ESR1: variants seen among roughly 807,000 people sequenced by gnomAD.
ESR1 encodes the protein estrogen receptor.
ESR1 carries 12 observed loss-of-function variants against 52.7 expected under a neutral mutation model. The ratio of observed to expected loss-of-function variants is 0.23; its 90% confidence interval spans 0.15 to 0.37. The LOEUF (loss-of-function observed/expected upper bound fraction) is 0.37. ESR1 is among the 10% of genes least tolerant of loss of function. The pLI is 1.00. For synonymous variants in ESR1, 305 were observed against 316.8 expected (o/e 0.96, Z 0.39); for missense variants, 584 against 779.7 (o/e 0.75, Z 2.99).
rs367750782 is a variant in ESR1, at chr6:152,018,006, C to T, written c.1235+6212C>T. Among the ~76,000 whole-genome samples, 22 of 152,192 alleles carry T rather than the reference C, an allele frequency of 1.4e-4. No individual in the cohort carries two copies. In the South Asian group the frequency reaches 4.6e-3, roughly 32 times the overall value. ...AAGCAGAATATTCCCTCTACTAAGC[C>T]TTTGGCCAGAGAGTTGTTGCTCTAG... On this transcript the variant is annotated intron_variant, in intron 5 of 7. Transcript: ENST00000206249.
At chr6:151,775,703 G>T (rs950483528) in intron 2 of ESR1, among the ~76,000 whole-genome samples, 1 of 148,438 alleles carries the variant, frequency 6.7e-6, no homozygotes, top group African/African-American at 2.5e-5. Flanking sequence ...CCGAGATCGC[G>T]CCACTGCACT....
chr6:151,850,046 T>A (rs1490579472), intron 2 of ESR1, among the ~76,000 whole-genome samples: 4 of 57,458 alleles, frequency 7.0e-5, no homozygotes, highest in Admixed American at 3.7e-4. Flanking sequence ...ATATATAATT[T>A]TATATATATA....
At chr6:152,008,361 A>G (rs545067717) in intron 4 of ESR1, among the ~76,000 whole-genome samples, 26 of 152,204 alleles carry the variant, frequency 1.7e-4, no homozygotes, top group African/African-American at 6.0e-4. Flanking sequence ...GAGGTCTACA[A>G]CATTTCAACG....
At chr6:151,885,658 A>T (rs867488918) in intron 3 of ESR1, among the ~76,000 whole-genome samples, 11 of 152,334 alleles carry the variant, frequency 7.2e-5, no homozygotes, top group Middle Eastern at 3.4e-3. Context: ...TGAGGTCAGG[A>T]GTTCAAGACC....
At chr6:151,946,604 C>T (rs1239003396) in intron 4 of ESR1, among the ~76,000 whole-genome samples, 1 of 152,046 alleles carries the variant, frequency 6.6e-6, no homozygotes, top group African/African-American at 2.4e-5. Flanking sequence ...GTTTAAAAGA[C>T]CTGAATGATT....
chr6:152,103,700 TGAATGAGTGAATGGAA>T, downstream of ESR1, among the ~76,000 whole-genome samples: 1 of 152,320 alleles, frequency 6.6e-6, no homozygotes, highest in African/African-American at 2.4e-5. Flanking sequence ...TATTTATGAA[TGAATGAGTGAATGGAA>T]GAATGAGTGA....
At chr6:152,080,307 A>T (rs1002497705) in intron 6 of ESR1, among the ~76,000 whole-genome samples, 5 of 151,722 alleles carry the variant, frequency 3.3e-5, no homozygotes, top group Non-Finnish European at 7.4e-5. Context: ...CAGAAACCCT[A>T]CAAGCCAGAA....
intron 5 of ESR1, among the ~76,000 whole-genome samples, chr6:152,039,153 T>C (rs2045577971): frequency 6.6e-6 from 1 of 152,184 alleles, no homozygotes; most frequent in African/African-American, 2.4e-5. Context: ...CTGTTTTCCC[T>C]TTGCCTCTAG....
chr6:152,128,228 C>G (rs1390064383), exon 7 of ESR1: 1 of 152,186 alleles, frequency 6.6e-6, no homozygotes, highest in African/African-American at 2.4e-5. Flanking sequence ...GCTTTGAAAG[C>G]ATGCTTCTAA....
At chr6:152,078,353 C>A (rs952093841) in intron 6 of ESR1, among the ~76,000 whole-genome samples, 7 of 152,178 alleles carry the variant, frequency 4.6e-5, no homozygotes, top group Admixed American at 3.9e-4. Flanking sequence ...TTACTTTGAC[C>A]AAGACGGCCT....
chr6:151,742,796 G>C (rs1257119931), intron 2 of ESR1, among the ~76,000 whole-genome samples: 6 of 152,102 alleles, frequency 3.9e-5, no homozygotes, highest in Non-Finnish European at 7.4e-5. Context: ...AATAGGGTCG[G>C]GGATATAGCA....
chr6:151,905,964 C>G (rs1032102769), intron 3 of ESR1, among the ~76,000 whole-genome samples: 8 of 152,100 alleles, frequency 5.3e-5, no homozygotes, highest in African/African-American at 1.7e-4. Flanking sequence ...TATTGGAACG[C>G]TAAGCATGTG....
At chr6:152,086,521 G>C (rs1475164736) in intron 6 of ESR1, among the ~76,000 whole-genome samples, 1 of 151,008 alleles carries the variant, frequency 6.6e-6, no homozygotes, top group Non-Finnish European at 1.5e-5. Flanking sequence ...TTTTTAAAAA[G>C]TGCACATGTA....
chr6:152,120,599 A>G (rs573300799), intron 6 of ESR1, among the ~76,000 whole-genome samples: 2 of 152,252 alleles, frequency 1.3e-5, no homozygotes, highest in Admixed American at 1.3e-4. Context: ...GTGGCTTGTG[A>G]GCTGAGTCCT....
chr6:151,709,807 T>G (rs1002528193), intron 2 of ESR1, among the ~76,000 whole-genome samples: 8 of 151,906 alleles, frequency 5.3e-5, no homozygotes, highest in African/African-American at 1.9e-4. Flanking sequence ...GATTTTACTT[T>G]TATAATTTTC....
In ESR1 at chr6:151,842,691, C is replaced by A. The variant is rs1784489244; in HGVS notation, c.547C>A (p.Arg183Ser). 6.2e-7 allele frequency: 1 copy of A among 1,613,800 alleles called. No homozygotes were observed. The highest frequency in any genetic ancestry group is 8.5e-7 in the Non-Finnish European group (1 of 1,179,910). ...GGCTATGGAATCTGCCAAGGAGACT[C>A]GCTACTGTGCAGTGTGCAATGACTA... ...SMAMESAKET[R>S]YCAVCNDYAS... Residue 183 changes from arginine to serine, a missense_variant, in exon 2 of 8, where the codon CGC becomes AGC. This residue lies in a region of ESR1 where 8 missense variants were observed against 36.9 expected (regional missense o/e 0.22). Coordinates refer to ENST00000206249, the MANE Select transcript of ESR1 (RefSeq NM_000125.4).
At chr6:152,114,161 G>T (rs183176435) in intron 6 of ESR1, among the ~76,000 whole-genome samples, 11 of 152,314 alleles carry the variant, frequency 7.2e-5, no homozygotes, top group Admixed American at 4.6e-4. Flanking sequence ...TTTCAACGCA[G>T]AAGGAAAGCA....
intron 5 of ESR1, among the ~76,000 whole-genome samples, chr6:152,043,341 A>T (rs1178402868): frequency 6.6e-6 from 1 of 152,192 alleles, no homozygotes; most frequent in Admixed American, 6.5e-5. Flanking sequence ...ATTCAGCCTG[A>T]TCCAACTTTA....
rs1304051598 is a variant in ESR1 at position 151,837,499 on chromosome 6, A to G, written c.453-5098A>G. ...CAAGGCAGTTAAGCTTCCTATTTCC[A>G]TAGATGCAGTGGTATTGTGTCTTTT... is the stretch of plus-strand genomic sequence containing the variant. On this transcript the variant is annotated intron_variant, in intron 1 of 7. Transcript: ENST00000206249. Among the ~76,000 whole-genome samples the G allele has an allele frequency of 2.0e-5, 3 of 152,116 alleles. No homozygotes were observed. The East Asian group carries it at 5.8e-4, about 29-fold the overall frequency.
Sources: gnomAD v4.1 joint callset for allele counts (sites outside exome capture counted in the v4.1 genomes callset) on GRCh38, gnomAD v4.1.1 for gene constraint, gnomAD v4.1.1 regional missense constraint, MANE v1.5 for transcripts, NCBI Gene and HGNC (gene_info 2026-07-23, HGNC 2026-07-21) for gene names.